ANKS1B: variants seen among roughly 807,000 people sequenced by gnomAD.
The protein encoded by ANKS1B is ankyrin repeat and sterile alpha motif domain-containing protein 1B.
In ANKS1B, 36 loss-of-function variants were observed where a neutral mutation model predicts 148.3. That is an observed-to-expected ratio of 0.24 (90% CI 0.19 to 0.32). The LOEUF is 0.32. Among genes scored for constraint, ANKS1B ranks in the 10% least tolerant of loss-of-function variants. ANKS1B has a pLI of 1.00. For missense variants in ANKS1B, 1,157 were observed against 1,542.6 expected (o/e 0.75, Z 4.19); for synonymous variants, 542 against 560.8 (o/e 0.97, Z 0.47).
At chr12:99,742,865 T>C (rs1361904690) in intron 8 of ANKS1B, among the ~76,000 whole-genome samples, 4 of 150,730 alleles carry the variant, frequency 2.7e-5, no homozygotes, top group African/African-American at 9.8e-5. Flanking sequence ...AAATGCACAC[T>C]AGAATTTAAG....
intron 1 of ANKS1B, among the ~76,000 whole-genome samples, chr12:99,837,243 T>C (rs1476186420): frequency 6.6e-6 from 1 of 152,114 alleles, no homozygotes; most frequent in African/African-American, 2.4e-5. Context: ...TCCTAGAGCC[T>C]TCAGGAAAGA....
chr12:99,389,712 C>T (rs533946124), intron 12 of ANKS1B, among the ~76,000 whole-genome samples: 1 of 152,066 alleles, frequency 6.6e-6, no homozygotes, highest in Admixed American at 6.6e-5. Flanking sequence ...AAGAAAATTT[C>T]AGGTAACAAA....
chr12:99,225,679 C>T (rs992193300), intron 14 of ANKS1B, among the ~76,000 whole-genome samples: 14 of 152,194 alleles, frequency 9.2e-5, no homozygotes, highest in African/African-American at 3.4e-4. Context: ...ATGCTTCCTG[C>T]CCTGAAACAA....
At chr12:99,940,434 G>A (rs2094890745) in intron 1 of ANKS1B, among the ~76,000 whole-genome samples, 1 of 152,050 alleles carries the variant, frequency 6.6e-6, no homozygotes, top group South Asian at 2.1e-4. Context: ...GGGGTTTCAG[G>A]GGGAAAAAAA....
intron 12 of ANKS1B, among the ~76,000 whole-genome samples, chr12:99,266,546 C>A (rs1469668384): frequency 6.6e-6 from 1 of 152,176 alleles, no homozygotes; most frequent in African/African-American, 2.4e-5. Context: ...TGTGCTCTTA[C>A]CGGCTATGCT....
chr12:99,007,039 A>G (rs977373440), intron 17 of ANKS1B, among the ~76,000 whole-genome samples: 12 of 146,248 alleles, frequency 8.2e-5, no homozygotes, highest in African/African-American at 3.1e-4. Flanking sequence ...ATTAAAACCC[A>G]AAATAGATAT....
chr12:98,977,664 T>A (rs2153224855), intron 17 of ANKS1B, among the ~76,000 whole-genome samples: 1 of 152,268 alleles, frequency 6.6e-6, no homozygotes, highest in East Asian at 1.9e-4. Flanking sequence ...GAACAAAAAA[T>A]TTTTGCTTTG....
chr12:99,530,243 G>T (rs1220409402), intron 9 of ANKS1B, among the ~76,000 whole-genome samples: 1 of 152,174 alleles, frequency 6.6e-6, no homozygotes, highest in Non-Finnish European at 1.5e-5. Flanking sequence ...GCAGATACTG[G>T]TTTAGGCCCT....
intron 17 of ANKS1B, among the ~76,000 whole-genome samples, chr12:98,989,895 A>C (rs2099925526): frequency 6.6e-6 from 1 of 151,876 alleles, no homozygotes; most frequent in Non-Finnish European, 1.5e-5. Context: ...CCCATCTCTT[A>C]AGAAAGGAAG....
chr12:98,973,448 G>C (rs56225414), intron 17 of ANKS1B, among the ~76,000 whole-genome samples: 27,685 of 152,046 alleles, frequency 0.18, 2,701 homozygotes, highest in African/African-American at 0.23. Flanking sequence ...TTTGCTTTCT[G>C]AAGTTTCAGT....
chr12:98,968,441 A>G (rs2099880439), intron 17 of ANKS1B, among the ~76,000 whole-genome samples: 1 of 152,178 alleles, frequency 6.6e-6, no homozygotes, highest in South Asian at 2.1e-4. Flanking sequence ...CTACTGCTCT[A>G]GATAAGTCAT....
intron 2 of ANKS1B, among the ~76,000 whole-genome samples, chr12:99,814,380 T>A (rs2068835801): frequency 6.6e-6 from 1 of 151,628 alleles, no homozygotes; most frequent in Non-Finnish European, 1.5e-5. Context: ...ATACCAATAA[T>A]AGCACTTGTC....
intron 1 of ANKS1B, among the ~76,000 whole-genome samples, chr12:99,843,245 T>A (rs1217813044): frequency 6.6e-6 from 1 of 152,162 alleles, no homozygotes; most frequent in African/African-American, 2.4e-5. Context: ...AATCTGTTGT[T>A]ATCTTCTATA....
At chr12:99,505,901 C>T (rs777235791) in intron 9 of ANKS1B, among the ~76,000 whole-genome samples, 7 of 152,052 alleles carry the variant, frequency 4.6e-5, no homozygotes, top group African/African-American at 4.8e-5. Flanking sequence ...CCTAGCCTAC[C>T]TTAAATGTGC....
intron 1 of ANKS1B, among the ~76,000 whole-genome samples, chr12:99,962,088 T>G (rs1472737484): frequency 1.3e-5 from 2 of 152,194 alleles, no homozygotes; most frequent in Non-Finnish European, 2.9e-5. Flanking sequence ...TTTTTTAATT[T>G]TACTTTAAGT....
intron 9 of ANKS1B, among the ~76,000 whole-genome samples, chr12:99,514,599 T>G (rs1289262466): frequency 6.6e-6 from 1 of 152,084 alleles, no homozygotes; most frequent in Non-Finnish European, 1.5e-5. Context: ...TTGTCCAATA[T>G]TAAGCATCTT....
intron 2 of ANKS1B, among the ~76,000 whole-genome samples, chr12:99,818,364 C>T (rs6538948): frequency 0.63 from 95,359 of 151,560 alleles, 30,324 homozygotes; most frequent in South Asian, 0.73. Context: ...GCTGTGAATT[C>T]TGCTGCTATA....
intron 8 of ANKS1B, among the ~76,000 whole-genome samples, chr12:99,659,940 C>T (rs1422360333): frequency 6.6e-6 from 1 of 152,066 alleles, no homozygotes; most frequent in Non-Finnish European, 1.5e-5. Flanking sequence ...AAGGGGACAA[C>T]AAATGTTCAA....
chr12:99,739,832 T>C (rs943187231), intron 8 of ANKS1B, among the ~76,000 whole-genome samples: 1 of 152,244 alleles, frequency 6.6e-6, no homozygotes, highest in South Asian at 2.1e-4. Context: ...CATCCTTCTC[T>C]GAGCATTCCA....
Sources: gnomAD v4.1 joint callset for allele counts (sites outside exome capture counted in the v4.1 genomes callset) on GRCh38, gnomAD v4.1.1 for gene constraint, MANE v1.5 for transcripts, NCBI Gene and HGNC (gene_info 2026-07-23, HGNC 2026-07-21) for gene names.